The following RPTOR variants were observed in gnomAD, a reference collection of about 807,000 sequenced individuals.
RPTOR encodes regulatory associated protein of MTOR complex 1.
Under a neutral mutation model 169.9 loss-of-function variants are expected in RPTOR, and 21 were observed. The ratio of observed to expected loss-of-function variants is 0.12; its 90% CI spans 0.09 to 0.18. The LOEUF (loss-of-function observed/expected upper bound fraction) is 0.18, where lower values mean the gene tolerates loss of function less well. Among genes scored for constraint, RPTOR ranks in the 10% least tolerant of loss-of-function variants. The pLI is 1.00. For missense variants in RPTOR, 1,133 were observed against 1,855.9 expected (o/e 0.61, Z 7.16); for synonymous variants, 732 against 753.2 (o/e 0.97, Z 0.46).
intron 1 of RPTOR, among the ~76,000 whole-genome samples, chr17:80,556,783 T>TA (rs55916221): frequency 0.61 from 87,318 of 143,564 alleles, 26,956 homozygotes; most frequent in Middle Eastern, 0.7. Context: ...CTACCCAGAT[T>TA]AAAAAAAAAA....
intron 4 of RPTOR, among the ~76,000 whole-genome samples, chr17:80,727,328 C>T (rs1341290184): frequency 4.0e-5 from 6 of 151,566 alleles, no homozygotes. Flanking sequence ...GTGGACGCTG[C>T]ACCTCTGATC....
At chr17:80,909,015 TC>T in intron 21 of RPTOR, 86 bp downstream of exon 21, 1 of 889,946 alleles carries the variant, frequency 1.1e-6, no homozygotes, top group Non-Finnish European at 1.9e-6. Flanking sequence ...TGTGCCCGGG[TC>T]CACACCACAG....
At chr17:80,551,089 A>G (rs2084338780) in intron 1 of RPTOR, among the ~76,000 whole-genome samples, 1 of 152,000 alleles carries the variant, frequency 6.6e-6, no homozygotes, top group South Asian at 2.1e-4. Flanking sequence ...CGGTTTCACC[A>G]TGTTGGCCAG....
chr17:80,646,693 A>G lies in RPTOR; in HGVS notation c.348+2883A>G, dbSNP rs1006920449. Reference sequence around the variant, plus strand: ...AAGAGAGGTTGATGTGCCATCTGCAATAAAACAATGGGGGCGTTATTAAAT... The same window carrying G: ...AAGAGAGGTTGATGTGCCATCTGCAGTAAAACAATGGGGGCGTTATTAAAT... On this transcript the variant is annotated intron_variant, in intron 3 of 33. Coordinates refer to ENST00000306801, the MANE Select transcript of RPTOR (RefSeq NM_020761.3). The surrounding 1 kb of genome is among the most constrained non-coding windows in gnomAD (Gnocchi z 5.0). 6.6e-6 allele frequency among the ~76,000 whole-genome samples: 1 copy of G among 152,212 alleles called. No homozygotes were observed. The highest frequency in any genetic ancestry group is 1.5e-5 in the Non-Finnish European group (1 of 68,024).
At chr17:80,892,629 G>A in intron 18 of RPTOR, 100 bp from the exon 19 acceptor site, 1 of 1,328,554 alleles carries the variant, frequency 7.5e-7, no homozygotes, top group Non-Finnish European at 1.1e-6. Flanking sequence ...AGCACAGGTA[G>A]CAGCTGCCGT....
chr17:80,547,170 T>A (rs1025850135), intron 1 of RPTOR, among the ~76,000 whole-genome samples: 2 of 152,230 alleles, frequency 1.3e-5, no homozygotes, highest in Non-Finnish European at 2.9e-5. Flanking sequence ...TTAGGAAAAT[T>A]TGTTTCATCC....
chr17:80,666,501 AG>A (rs2065780746), intron 3 of RPTOR, among the ~76,000 whole-genome samples: 1 of 152,206 alleles, frequency 6.6e-6, no homozygotes, highest in South Asian at 2.1e-4. Flanking sequence ...GAAGGGCGCA[AG>A]GATGAAAATG....
intron 4 of RPTOR, among the ~76,000 whole-genome samples, chr17:80,728,775 A>C (rs2066363033): frequency 6.6e-6 from 1 of 151,696 alleles, no homozygotes. Flanking sequence ...CATCTTGTTA[A>C]ATTCCGTGAA....
intron 20 of RPTOR, among the ~76,000 whole-genome samples, chr17:80,903,024 C>T (rs2068495921): frequency 6.6e-6 from 1 of 152,220 alleles, no homozygotes; most frequent in African/African-American, 2.4e-5. Flanking sequence ...TAGATGGGAC[C>T]AGTTTTCACG....
Position 80,685,627 on chromosome 17 carries a change from ATTTTTTTTTTT to A in RPTOR, c.349-22194_349-22184del, listed in dbSNP as rs1165540456. Among the ~76,000 whole-genome samples the A allele has an allele frequency of 5.3e-3, 161 of 30,654 alleles. 5 individuals carry two copies. The South Asian group carries it at 0.058, about 11-fold the overall frequency. The allele number at this position is 30,654 out of a possible 152,430, so 20.1% of individuals were successfully genotyped here. On this transcript the variant is annotated intron_variant, in intron 3 of 33. Transcript: ENST00000306801. ...CATATATATATATATATATATATAT[ATTTTTTTTTTT>A]TTTTTTTTTTTTTTTTTTTGCTGTG...
chr17:80,694,555 C>T (rs886304549), intron 3 of RPTOR, among the ~76,000 whole-genome samples: 6 of 152,214 alleles, frequency 3.9e-5, no homozygotes, highest in African/African-American at 4.8e-5. Context: ...AGCCTCCCTG[C>T]GCCCCTTCCT....
chr17:80,585,885 A>G (rs2065056417), intron 1 of RPTOR, among the ~76,000 whole-genome samples: 1 of 152,126 alleles, frequency 6.6e-6, no homozygotes. Context: ...ATTTATGAAA[A>G]ATACTCATTC....
At position 80,574,465 on chromosome 17, in the gene RPTOR, C is replaced by T. The variant is rs551725437; in HGVS notation, c.162+28674C>T. On this transcript the variant is annotated intron_variant, in intron 1 of 33. Transcript: ENST00000306801. ...ACAGGCGTGAGCCACCGCGCCCGGC[C>T]GGTTTTTTTTTTCTTTTTGAGTCAG... Among the ~76,000 whole-genome samples the T allele has an allele frequency of 5.3e-5, 8 of 151,632 alleles. No homozygotes were observed. The East Asian group carries it at 5.8e-4, about 11-fold the overall frequency.
intron 24 of RPTOR, among the ~76,000 whole-genome samples, chr17:80,928,311 A>T (rs932859979): frequency 2.6e-5 from 4 of 152,156 alleles, no homozygotes; most frequent in Non-Finnish European, 5.9e-5. Flanking sequence ...TACTGATTTA[A>T]TTCATCATCT....
intron 1 of RPTOR, among the ~76,000 whole-genome samples, chr17:80,551,818 A>T (rs917938589): frequency 6.6e-6 from 1 of 152,106 alleles, no homozygotes; most frequent in Non-Finnish European, 1.5e-5. Flanking sequence ...ATTTCAGACT[A>T]TCACATGGGG....
chr17:80,754,299 A>G lies in RPTOR; in HGVS notation c.830+114A>G. The G allele has an allele frequency of 1.9e-6, 2 of 1,038,106 alleles. No individual in the cohort carries two copies. The highest frequency in any genetic ancestry group is 4.8e-5 in the East Asian group (2 of 41,250). 64.3% of individuals were successfully genotyped at this position (1,038,106 alleles called of 1,614,324 possible). On this transcript the variant is annotated intron_variant, in intron 6 of 33. Transcript: ENST00000306801. This position sits in a 1 kb window ranked among gnomAD's most constrained non-coding sequence, Gnocchi z 4.2. The stretch of plus-strand genomic sequence containing the variant: ...GGTCCCAGGAGCCCACGTGACAGAC[A>G]TGAGTGTCCCCGCCTTCTTTTTGTG...
At chr17:80,588,773 A>G (rs1199072498) in intron 1 of RPTOR, among the ~76,000 whole-genome samples, 2 of 152,002 alleles carry the variant, frequency 1.3e-5, no homozygotes, top group African/African-American at 4.8e-5. Context: ...GATTTGTAGG[A>G]ATTCTTTAAA....
intron 3 of RPTOR, among the ~76,000 whole-genome samples, chr17:80,660,981 G>T (rs578079703): frequency 6.6e-6 from 1 of 152,318 alleles, no homozygotes; most frequent in South Asian, 2.1e-4. Context: ...GCCCTTGGGG[G>T]TTTTCCTCTC....
chr17:80,746,544 G>C lies in RPTOR; in HGVS notation c.655-7466G>C, dbSNP rs1230226653. Among the ~76,000 whole-genome samples, 1 of 152,212 alleles carries C rather than the reference G, an allele frequency of 6.6e-6. No homozygotes were observed. The highest frequency in any genetic ancestry group is 1.9e-4 in the East Asian group (1 of 5,192). ...TGGATCCTTCCCAAATCCTCCAGAA[G>C]ACTCTGGAGAGCATTGGAAGATGAG... On this transcript the variant is annotated intron_variant, in intron 5 of 33. Coordinates refer to ENST00000306801, the MANE Select transcript of RPTOR (RefSeq NM_020761.3). This position sits in a 1 kb window ranked among gnomAD's most constrained non-coding sequence, Gnocchi z 4.5.
Sources: allele counts gnomAD v4.1 joint callset (sites outside exome capture counted in the v4.1 genomes callset), GRCh38; gene constraint gnomAD v4.1.1; non-coding constraint Gnocchi (gnomAD v3.1); transcripts MANE v1.5; gene names NCBI Gene and HGNC (gene_info 2026-07-23, HGNC 2026-07-21).